PPHLN1: variants seen among roughly 807,000 people sequenced by gnomAD.
PPHLN1 encodes the protein periphilin-1.
Under a neutral mutation model 51.3 loss-of-function variants are expected in PPHLN1, and 29 were observed. The observed-to-expected ratio is 0.57, with a 90% CI of 0.42 to 0.77. The LOEUF is 0.77. PPHLN1 is among the 30% of genes least tolerant of loss of function. The probability of loss-of-function intolerance (pLI) is 0.00; values close to 1 mark genes in which losing one functional copy is unlikely to be tolerated. For missense variants in PPHLN1, 436 were observed against 438.4 expected (o/e 0.99, Z 0.05); for synonymous variants, 147 against 147.8 (o/e 0.99, Z 0.04).
chr12:42,396,749 C>T (rs1375188900), intron 8 of PPHLN1, among the ~76,000 whole-genome samples: 3 of 149,872 alleles, frequency 2.0e-5, no homozygotes, highest in Non-Finnish European at 3.0e-5. Context: ...GTGATCACAC[C>T]ATGGCCCTCC....
intron 2 of PPHLN1, among the ~76,000 whole-genome samples, chr12:42,347,905 C>T (rs2072610049): frequency 6.6e-6 from 1 of 152,202 alleles, no homozygotes; most frequent in Non-Finnish European, 1.5e-5. Context: ...CTCTTTGCTA[C>T]AGGCTCCTGC....
At chr12:42,429,893 C>G (rs80136753) in intron 9 of PPHLN1, among the ~76,000 whole-genome samples, 1 of 152,156 alleles carries the variant, frequency 6.6e-6, no homozygotes, top group African/African-American at 2.4e-5. Flanking sequence ...TATAATTAAG[C>G]TTTTGCTCTA....
chr12:42,424,734 A>T (rs1455340181), intron 9 of PPHLN1, among the ~76,000 whole-genome samples: 1 of 152,162 alleles, frequency 6.6e-6, no homozygotes, highest in Non-Finnish European at 1.5e-5. Context: ...AAAAAAAGAG[A>T]TTATGGCATA....
At chr12:42,448,421 C>T (rs1388041332), downstream of PPHLN1, 1 of 148,722 alleles carries the variant, frequency 6.7e-6, no homozygotes, top group Non-Finnish European at 1.5e-5. Flanking sequence ...CAGATGTTTA[C>T]CAGAGTGTGT....
intron 5 of PPHLN1, among the ~76,000 whole-genome samples, chr12:42,378,092 CTT>C (rs1565879080): frequency 2.7e-3 from 7 of 2,604 alleles, no homozygotes; most frequent in African/African-American, 2.8e-3. Flanking sequence ...CTATCTTTCT[CTT>C]TCTTTCTTTC....
chr12:42,361,735 C>T (rs1371401225), intron 4 of PPHLN1: 3 of 152,158 alleles, frequency 2.0e-5, no homozygotes, highest in Non-Finnish European at 4.4e-5. Flanking sequence ...AGCATTAATT[C>T]TATTGACAGT....
At chr12:42,399,017 G>A in intron 9 of PPHLN1, 23 bp downstream of exon 9, 2 of 1,607,036 alleles carry the variant, frequency 1.2e-6, no homozygotes, top group Non-Finnish European at 1.7e-6. Flanking sequence ...TTGTCTTCAT[G>A]TACATAATTT....
intron 9 of PPHLN1, chr12:42,400,000 A>G (rs1375699848): frequency 1.3e-5 from 2 of 152,202 alleles, no homozygotes; most frequent in East Asian, 1.9e-4. Flanking sequence ...TAACACAAAG[A>G]TGAATGTCTT....
At chr12:42,399,668 G>T (rs908342669) in intron 9 of PPHLN1, 4 of 156,218 alleles carry the variant, frequency 2.6e-5, no homozygotes, top group Middle Eastern at 6.2e-3. Context: ...CTTTTCTCTA[G>T]GTGCTGTCCG....
At chr12:42,409,103 A>G (rs2079573544) in intron 9 of PPHLN1, among the ~76,000 whole-genome samples, 1 of 152,124 alleles carries the variant, frequency 6.6e-6, no homozygotes, top group Admixed American at 6.5e-5. Context: ...CTTTCTCTCA[A>G]AATATCTTAT....
chr12:42,338,568 A>G (rs905962548), intron 2 of PPHLN1, among the ~76,000 whole-genome samples: 1 of 152,180 alleles, frequency 6.6e-6, no homozygotes, highest in Non-Finnish European at 1.5e-5. Flanking sequence ...AAGATAGGCA[A>G]TCGGTATTTT....
chr12:42,412,437 T>C (rs1442490726), intron 9 of PPHLN1, among the ~76,000 whole-genome samples: 1 of 151,162 alleles, frequency 6.6e-6, no homozygotes, highest in Non-Finnish European at 1.5e-5. Context: ...TTTTTTTTTT[T>C]ACAGCTGAAT....
chr12:42,432,005 G>T, intron 9 of PPHLN1: 1 of 1,487,968 alleles, frequency 6.7e-7, no homozygotes, highest in Non-Finnish European at 9.4e-7. Context: ...TATCAAGTAC[G>T]CTGTATGGAT....
chr12:42,424,524 C>T (rs1003083796), intron 9 of PPHLN1, among the ~76,000 whole-genome samples: 6 of 152,124 alleles, frequency 3.9e-5, no homozygotes, highest in Non-Finnish European at 8.8e-5. Flanking sequence ...CTCTTAAATC[C>T]TGTCTTCTAC....
chr12:42,337,325 G>A (rs955370041), intron 2 of PPHLN1, among the ~76,000 whole-genome samples: 14 of 149,670 alleles, frequency 9.4e-5, no homozygotes, highest in Admixed American at 5.4e-4. Context: ...GTGCAATGGC[G>A]CAGTCTTGGC....
At chr12:42,392,424 A>C (rs1028287211) in intron 7 of PPHLN1, among the ~76,000 whole-genome samples, 36 of 152,220 alleles carry the variant, frequency 2.4e-4, no homozygotes, top group African/African-American at 8.4e-4. Flanking sequence ...CCATAAGTTC[A>C]GTGCCCAGCA....
rs559875214 is a variant in PPHLN1, at chr12:42,345,478, A to C, written c.73-6407A>C. Among the ~76,000 whole-genome samples the C allele has an allele frequency of 1.1e-4, 17 of 152,062 alleles. No individual in the cohort carries two copies. In the East Asian group the frequency reaches 2.3e-3, roughly 21 times the overall value. On this transcript the variant is annotated intron_variant, in intron 2 of 9. Transcript: ENST00000358314. ...TTTTGGTCTGACTGATCATACCATT[A>C]ATACTAACACCATTAATACTAACTT...
At chr12:42,399,025 T>A in intron 9 of PPHLN1, 31 bp downstream of exon 9, 2 of 1,607,510 alleles carry the variant, frequency 1.2e-6, no homozygotes, top group Non-Finnish European at 1.7e-6. Context: ...ATGTACATAA[T>A]TTTTGTTTGT....
intron 7 of PPHLN1, among the ~76,000 whole-genome samples, chr12:42,388,762 C>T (rs1592642838): frequency 2.0e-5 from 3 of 152,240 alleles, no homozygotes; most frequent in South Asian, 4.1e-4. Flanking sequence ...GCCTTGGTAA[C>T]GTAGCAAGAC....
Sources: allele counts gnomAD v4.1 joint callset (sites outside exome capture counted in the v4.1 genomes callset), GRCh38; gene constraint gnomAD v4.1.1; transcripts MANE v1.5; gene names NCBI Gene and HGNC (gene_info 2026-07-23, HGNC 2026-07-21).